Variants in PLS3 observed in about 807,000 individuals in gnomAD.
PLS3 encodes the protein plastin-3.
In PLS3, 11 loss-of-function variants were observed where a neutral mutation model predicts 46.5. That is an observed-to-expected ratio of 0.24 (90% confidence interval 0.15 to 0.39). The LOEUF (loss-of-function observed/expected upper bound fraction) is 0.39. PLS3 is among the 10% of genes least tolerant of loss of function. The probability of loss-of-function intolerance (pLI) is 1.00; values close to 1 mark genes in which losing one functional copy is unlikely to be tolerated. For missense variants in PLS3, 308 were observed against 461.8 expected, an observed-to-expected ratio of 0.67 and a Z score of 3.05; for synonymous variants, 167 against 162.2, an observed-to-expected ratio of 1.03 and a Z score of -0.22.
At chrX:115,644,934 T>G (rs946882391) in intron 10 of PLS3, 87 bp from the exon 11 acceptor site, 5 of 591,401 alleles carry the variant, frequency 8.5e-6, no homozygotes, top group Admixed American at 8.0e-5. Flanking sequence ...AATAGAGAGA[T>G]AAAATAATCT....
chrX:115,630,774 C>A (rs1381407586), intron 5 of PLS3, among the ~76,000 whole-genome samples: 1 of 90,667 alleles, frequency 1.1e-5, no homozygotes, highest in African/African-American at 4.2e-5. Flanking sequence ...CACATATATA[C>A]AAAATATATA....
intron 1 of PLS3, among the ~76,000 whole-genome samples, chrX:115,573,633 G>A (rs1556630918): frequency 8.9e-6 from 1 of 111,751 alleles, no homozygotes; most frequent in Non-Finnish European, 1.9e-5. Context: ...ATTTTGACTC[G>A]TGGATAATAG....
intron 11 of PLS3, 47 bp downstream of exon 11, chrX:115,645,146 G>A: frequency 1.4e-6 from 1 of 737,101 alleles, no homozygotes; most frequent in Non-Finnish European, 2.1e-6. Context: ...TGTCATGAAT[G>A]GATGTTAAAT....
chrX:115,572,449 A>G (rs1411170179), intron 1 of PLS3, among the ~76,000 whole-genome samples: 1 of 112,030 alleles, frequency 8.9e-6, no homozygotes, highest in East Asian at 2.8e-4. Context: ...GGGAAGGTTA[A>G]TAAGTATCTA....
At chrX:115,615,068 C>T (rs929948186) in intron 2 of PLS3, among the ~76,000 whole-genome samples, 3 of 110,860 alleles carry the variant, frequency 2.7e-5, no homozygotes, top group African/African-American at 9.8e-5. Flanking sequence ...ACACACAACC[C>T]GAGCGTCAAA....
At chrX:115,619,762 A>G (rs1165651436) in intron 2 of PLS3, among the ~76,000 whole-genome samples, 1 of 112,515 alleles carries the variant, frequency 8.9e-6, no homozygotes, top group Non-Finnish European at 1.9e-5. Context: ...GGCCCCAGCC[A>G]TGCCGGGGAG....
intron 1 of PLS3, among the ~76,000 whole-genome samples, chrX:115,591,704 T>C (rs782558635): frequency 6.2e-5 from 7 of 112,049 alleles, no homozygotes; most frequent in East Asian, 2.8e-4. Context: ...AAATGCATGA[T>C]AACACATACT....
chrX:115,595,262 A>G (rs1556633664), intron 1 of PLS3, among the ~76,000 whole-genome samples: 1 of 112,123 alleles, frequency 8.9e-6, no homozygotes, highest in Non-Finnish European at 1.9e-5. Context: ...ATATTCCTCC[A>G]GGAAATGACA....
intron 9 of PLS3, among the ~76,000 whole-genome samples, chrX:115,642,516 G>A (rs2074908786): frequency 9.0e-6 from 1 of 111,071 alleles, no homozygotes; most frequent in Non-Finnish European, 1.9e-5. Flanking sequence ...TCTCTAGCTC[G>A]CTCTCCAGCA....
At chrX:115,645,234 A>G (rs2074939064) in intron 11 of PLS3, 135 bp downstream of exon 11, 1 of 481,127 alleles carries the variant, frequency 2.1e-6, no homozygotes, top group South Asian at 3.6e-5. Context: ...GGTGATTTCC[A>G]TCATCATTTT....
At chrX:115,626,853 CCTTTTTTTTTTT>C (rs1474349239) in intron 3 of PLS3, among the ~76,000 whole-genome samples, 2 of 107,058 alleles carry the variant, frequency 1.9e-5, no homozygotes, top group Non-Finnish European at 3.8e-5. Flanking sequence ...AATTTATTTT[CCTTTTTTTTTTT>C]CTGAGACAGG....
intron 3 of PLS3, among the ~76,000 whole-genome samples, chrX:115,627,830 A>G (rs1369060057): frequency 4.5e-5 from 5 of 112,291 alleles, no homozygotes; most frequent in Non-Finnish European, 9.4e-5. Context: ...AATCACAGGT[A>G]TGGAAATACT....
chrX:115,639,657 C>G (rs1556640720), intron 8 of PLS3: 3 of 313,448 alleles, frequency 9.6e-6, no homozygotes, highest in Non-Finnish European at 1.9e-5. Context: ...TCCAAAGATG[C>G]AGGAATTTAC....
At chrX:115,625,850 G>A (rs1204160179) in intron 3 of PLS3, among the ~76,000 whole-genome samples, 3 of 111,700 alleles carry the variant, frequency 2.7e-5, no homozygotes, top group Non-Finnish European at 3.8e-5. Context: ...GAAGTTAGCC[G>A]GTTGCTGAGA....
chrX:115,566,741 G>A (rs1288580112), intron 1 of PLS3, among the ~76,000 whole-genome samples: 2 of 108,596 alleles, frequency 1.8e-5, no homozygotes, highest in African/African-American at 6.7e-5. Flanking sequence ...ATGCAATGGC[G>A]TGATCTCAGC....
intron 3 of PLS3, among the ~76,000 whole-genome samples, chrX:115,624,772 G>A (rs1556638239): frequency 8.9e-6 from 1 of 111,896 alleles, no homozygotes; most frequent in Non-Finnish European, 1.9e-5. Context: ...CAACACCAGG[G>A]CTTTAAGAAA....
intron 1 of PLS3, among the ~76,000 whole-genome samples, chrX:115,586,506 T>TA (rs1360934152): frequency 3.7e-5 from 3 of 81,775 alleles, no homozygotes; most frequent in Admixed American, 2.8e-4. Context: ...CGGTCTCTAC[T>TA]AAAAATACAA....
intron 1 of PLS3, among the ~76,000 whole-genome samples, chrX:115,570,099 G>T (rs2074203476): frequency 9.0e-6 from 1 of 110,645 alleles, no homozygotes; most frequent in South Asian, 3.9e-4. Context: ...ACTGTGCCCG[G>T]CTAATTTTTG....
chrX:115,624,035 A>C (rs2074683996), intron 3 of PLS3, among the ~76,000 whole-genome samples: 1 of 110,788 alleles, frequency 9.0e-6, no homozygotes, highest in Non-Finnish European at 1.9e-5. Context: ...CGAGGGCCAT[A>C]CTGGCCAACA....
Sources: gnomAD v4.1 joint callset for allele counts (sites outside exome capture counted in the v4.1 genomes callset) on GRCh38, gnomAD v4.1.1 for gene constraint, MANE v1.5 for transcripts, NCBI Gene and HGNC (gene_info 2026-07-23, HGNC 2026-07-21) for gene names.